Variants in EPB41L2 observed in about 807,000 individuals in gnomAD.
EPB41L2 encodes the protein band 4.1-like protein 2.
Under a neutral mutation model 113.0 loss-of-function variants are expected in EPB41L2, and 43 were observed. That is an observed-to-expected ratio of 0.38 (90% CI 0.30 to 0.49). The LOEUF (loss-of-function observed/expected upper bound fraction) is 0.49, where lower values mean the gene tolerates loss of function less well. Among genes scored for constraint, EPB41L2 ranks in the 20% least tolerant of loss-of-function variants. The probability of loss-of-function intolerance (pLI) is 0.95; values close to 1 mark genes in which losing one functional copy is unlikely to be tolerated. For synonymous variants in EPB41L2, 442 were observed against 436.7 expected, an observed-to-expected ratio of 1.01 and a Z score of -0.15; for missense variants, 1,147 against 1,223.4, an observed-to-expected ratio of 0.94 and a Z score of 0.93.
In EPB41L2 at chr6:130,894,361, C is replaced by G. The variant is rs1175777114; in HGVS notation, c.1470G>C (p.Glu490Asp). Residue 490 changes from glutamate (E) to aspartate (D), a missense_variant, in exon 10 of 20, where the codon GAG (glutamate) becomes GAC (aspartate). By Grantham distance (45) the Glu-to-Asp change is conservative. Coordinates refer to ENST00000337057, the MANE Select transcript of EPB41L2 (RefSeq NM_001431.4). The part of the protein sequence containing the change: ...AAKRLWKVCV[E>D]HHTFYRLVSP... ...AAAATTACCTGTAGAAAGTATGATG[C>G]TCCACGCACACTTTCCATAGTCTTT... is the stretch of plus-strand genomic sequence containing the variant. 9 of 1,613,692 alleles carry G rather than the reference C, an allele frequency of 5.6e-6. No individual in the cohort carries two copies. Among genetic ancestry groups the G allele is most frequent in the Non-Finnish European group, 7.6e-6 (9 of 1,179,714 alleles).
intron 3 of EPB41L2, among the ~76,000 whole-genome samples, chr6:130,953,997 TAAGAC>T (rs1816280784): frequency 1.1e-5 from 1 of 94,744 alleles, no homozygotes; most frequent in East Asian, 4.5e-4. Context: ...CTAAGACAAC[TAAGAC>T]AAGGATTTTT....
At chr6:130,971,422 T>C (rs1776741893) in intron 1 of EPB41L2, among the ~76,000 whole-genome samples, 1 of 152,212 alleles carries the variant, frequency 6.6e-6, no homozygotes, top group Non-Finnish European at 1.5e-5. Flanking sequence ...GGCTTCTCTT[T>C]GACATATTCA....
chr6:130,974,514 G>A (rs1363709431), intron 1 of EPB41L2, among the ~76,000 whole-genome samples: 1 of 152,038 alleles, frequency 6.6e-6, no homozygotes, highest in East Asian at 1.9e-4. Flanking sequence ...AATTCAGAGA[G>A]AATGAGTTTT....
At chr6:130,870,377 C>T (rs918578189) in intron 14 of EPB41L2, 33 of 1,550,412 alleles carry the variant, frequency 2.1e-5, no homozygotes, top group East Asian at 4.9e-5. Context: ...CTCGGGAGCA[C>T]GTGTCTGCAG....
chr6:131,053,817 A>C (rs530987119), intron 1 of EPB41L2, among the ~76,000 whole-genome samples: 2 of 152,158 alleles, frequency 1.3e-5, no homozygotes, highest in East Asian at 3.9e-4. Context: ...CATTCTTTCG[A>C]CCTCCAACGT....
intron 1 of EPB41L2, among the ~76,000 whole-genome samples, chr6:131,020,644 A>G (rs755424421): frequency 4.6e-5 from 7 of 152,188 alleles, no homozygotes; most frequent in Non-Finnish European, 1.0e-4. Flanking sequence ...ATGCCAATCA[A>G]TAATTTTGGC....
At chr6:130,845,384 CTT>C (rs11288907) in intron 19 of EPB41L2, among the ~76,000 whole-genome samples, 1 of 151,406 alleles carries the variant, frequency 6.6e-6, no homozygotes, top group Admixed American at 6.6e-5. Context: ...TAACCTTATT[CTT>C]TTTTTTTTAG....
chr6:130,903,194 T>C (rs1796763523), intron 6 of EPB41L2, among the ~76,000 whole-genome samples: 1 of 152,066 alleles, frequency 6.6e-6, no homozygotes, highest in African/African-American at 2.4e-5. Flanking sequence ...ATGTACAGAG[T>C]GTTGGGTCAC....
intron 18 of EPB41L2, among the ~76,000 whole-genome samples, chr6:130,861,396 A>G (rs1215480946): frequency 6.6e-6 from 1 of 152,226 alleles, no homozygotes; most frequent in Non-Finnish European, 1.5e-5. Flanking sequence ...AACGTAGGCA[A>G]GGAACTGAAA....
chr6:131,023,731 A>ATATATATC (rs1193621362), intron 1 of EPB41L2, among the ~76,000 whole-genome samples: 1 of 88,488 alleles, frequency 1.1e-5, no homozygotes, highest in East Asian at 2.4e-4. Context: ...GTGTGTGTGT[A>ATATATATC]TATATATCTA....
intron 1 of EPB41L2, among the ~76,000 whole-genome samples, chr6:131,038,357 A>G (rs1381669922): frequency 6.6e-6 from 1 of 152,208 alleles, no homozygotes; most frequent in African/African-American, 2.4e-5. Context: ...TTCACAATTC[A>G]TTAATATCAT....
chr6:131,037,154 T>C (rs1793490423), intron 1 of EPB41L2, among the ~76,000 whole-genome samples: 1 of 152,256 alleles, frequency 6.6e-6, no homozygotes, highest in African/African-American at 2.4e-5. Flanking sequence ...CTGAACTTTA[T>C]TACAACTTTC....
chr6:131,018,844 A>G lies in EPB41L2; in HGVS notation c.-15+44311T>C, dbSNP rs1032730300. On this transcript the variant is annotated intron_variant, in intron 1 of 19. Coordinates refer to ENST00000337057, the MANE Select transcript of EPB41L2 (RefSeq NM_001431.4). ...CTCCTATAGTGTAACAAGCTTCGTT[A>G]TATTCGTTTATATTAAGTTTCTAGG... is the stretch of plus-strand genomic sequence containing the variant. 1.6e-4 allele frequency among the ~76,000 whole-genome samples: 24 copies of G among 152,242 alleles called. No individual in the cohort carries two copies. The East Asian group carries it at 2.9e-3, about 18-fold the overall frequency.
intron 14 of EPB41L2, 164 bp from the exon 15 acceptor site, chr6:130,870,290 C>T (rs1377416041): frequency 1.4e-5 from 22 of 1,549,634 alleles, no homozygotes; most frequent in African/African-American, 2.7e-5. Flanking sequence ...CAATGAGAAA[C>T]GTGAGGCAAT....
chr6:130,942,761 CA>C (rs1811309303), intron 3 of EPB41L2, among the ~76,000 whole-genome samples: 1 of 152,158 alleles, frequency 6.6e-6, no homozygotes, highest in South Asian at 2.1e-4. Context: ...TAGCTTCCAC[CA>C]CCTGACAGGC....
chr6:130,863,774 C>T (rs915171), intron 17 of EPB41L2, 56 bp from the exon 18 acceptor site: 343,590 of 1,240,628 alleles, frequency 0.28, 49,353 homozygotes, highest in African/African-American at 0.36. Context: ...CACGTTTACA[C>T]AGTCAGAGCA....
chr6:130,844,504 G>A (rs1776403860), intron 19 of EPB41L2, among the ~76,000 whole-genome samples: 1 of 151,976 alleles, frequency 6.6e-6, no homozygotes, highest in Non-Finnish European at 1.5e-5. Flanking sequence ...GCTGGGAGTC[G>A]AAGGTTGCGC....
In EPB41L2 at chr6:130,869,561, A is replaced by C; in HGVS notation, c.2607+2T>G. ...TGGCTCCCACCTGGGACTCCCATTT[A>C]CCTCTGAACAACAAATAATTTGTGG... On this transcript the variant is annotated splice_donor_variant, in intron 15 of 19. Transcript: ENST00000337057. LOFTEE classifies it high-confidence loss of function. 6.2e-7 allele frequency: 1 copy of C among 1,613,034 alleles called. No homozygotes were observed. The highest frequency in any genetic ancestry group is 8.5e-7 in the Non-Finnish European group (1 of 1,179,322).
intron 15 of EPB41L2, 39 bp downstream of exon 15, chr6:130,869,524 A>G: frequency 6.4e-7 from 1 of 1,564,248 alleles, no homozygotes; most frequent in Non-Finnish European, 8.7e-7. Context: ...TCTGAGAAGC[A>G]GCTCTAGAGT....
Sources: allele counts gnomAD v4.1 joint callset (sites outside exome capture counted in the v4.1 genomes callset), GRCh38; gene constraint gnomAD v4.1.1; transcripts MANE v1.5; gene names NCBI Gene and HGNC (gene_info 2026-07-23, HGNC 2026-07-21).